The following IQCH variants were observed in gnomAD, a reference collection of about 807,000 sequenced individuals.
IQCH encodes the protein IQ domain-containing protein H.
Under a neutral mutation model 117.0 loss-of-function variants are expected in IQCH, and 98 were observed. The observed-to-expected ratio is 0.84, with a 90% CI of 0.71 to 0.99. IQCH has a LOEUF of 0.99. IQCH is among the 50% of genes least tolerant of loss of function. The pLI, the probability that IQCH is intolerant of heterozygous loss-of-function variation, is 0.00. For synonymous variants in IQCH, 412 were observed against 448.2 expected, an observed-to-expected ratio of 0.92 and a Z score of 1.02; for missense variants, 1,102 against 1,243.8, an observed-to-expected ratio of 0.89 and a Z score of 1.72.
rs1053228422 is a variant in IQCH at position 67,425,993 on chromosome 15, C to G, written c.2505+4416C>G. 6.6e-6 allele frequency among the ~76,000 whole-genome samples: 1 copy of G among 152,174 alleles called. No homozygotes were observed. Among genetic ancestry groups the G allele is most frequent in the Admixed American group, 6.5e-5 (1 of 15,274 alleles). ...TTCCAGATTTGGCCAGTGAGAGACCCTTCAGGGTGTGTCTTGTGTCCTTTT... is the reference window on the plus strand; with the variant it reads ...TTCCAGATTTGGCCAGTGAGAGACCGTTCAGGGTGTGTCTTGTGTCCTTTT... On this transcript the variant is annotated intron_variant, in intron 16 of 20. Coordinates refer to ENST00000335894, the MANE Select transcript of IQCH (RefSeq NM_001031715.3). The surrounding 1 kb of genome is among the most constrained non-coding windows in gnomAD (Gnocchi z 5.5).
intron 1 of IQCH, among the ~76,000 whole-genome samples, chr15:67,260,824 A>G (rs1477684210): frequency 1.3e-5 from 2 of 152,118 alleles, no homozygotes; most frequent in Non-Finnish European, 2.9e-5. Context: ...CAGGCCAGGC[A>G]TGGTGGCTCA....
intron 4 of IQCH, among the ~76,000 whole-genome samples, chr15:67,310,492 ACTC>A (rs1173307721): frequency 3.3e-5 from 5 of 152,054 alleles, no homozygotes; most frequent in Non-Finnish European, 4.4e-5. Context: ...GCAGTGCCTG[ACTC>A]CTCGTAATCA....
Position 67,434,780 on chromosome 15 carries a change from C to CT in IQCH, c.2505+13207dup, listed in dbSNP as rs201003525. On this transcript the variant is annotated intron_variant, in intron 16 of 20. Transcript: ENST00000335894. ...ATACTTATCTTTTGTCTTTTCTTTT[C>CT]TTTTCTTTTTTTTTTTTTTTTGAGA... Among the ~76,000 whole-genome samples the CT allele has an allele frequency of 3.6e-3, 496 of 138,696 alleles. 6 individuals are homozygous for CT. The highest frequency in any genetic ancestry group is 9.2e-3 in the East Asian group (43 of 4,674). The allele number at this position is 138,696 out of a possible 152,430, so 91.0% of individuals were successfully genotyped here. A position where few individuals can be genotyped will look rare whatever the true frequency, so the allele number is the denominator to read the frequency against.
chr15:67,329,542 G>A (rs984492341), intron 4 of IQCH, among the ~76,000 whole-genome samples: 3 of 152,112 alleles, frequency 2.0e-5, no homozygotes, highest in African/African-American at 4.8e-5. Context: ...CATAATCATA[G>A]CTCACTGTAG....
rs543570883 is a variant in IQCH at position 67,453,638 on chromosome 15, G to T, written c.2506-11489G>T. ...TGTAAGGTGTCAGTCCGCCCCTACTGGGGGGTGCCTCCCAGTTAGGCTACT... is the reference window on the plus strand; with the variant it reads ...TGTAAGGTGTCAGTCCGCCCCTACTTGGGGGTGCCTCCCAGTTAGGCTACT... On this transcript the variant is annotated intron_variant, in intron 16 of 20. Coordinates refer to ENST00000335894, the MANE Select transcript of IQCH (RefSeq NM_001031715.3). This position sits in a 1 kb window ranked among gnomAD's most constrained non-coding sequence, Gnocchi z 5.8. 1.3e-5 allele frequency among the ~76,000 whole-genome samples: 2 copies of T among 152,172 alleles called. No homozygotes were observed. The highest frequency in any genetic ancestry group is 2.1e-4 in the South Asian group (1 of 4,830).
In IQCH at chr15:67,445,333, T is replaced by A. The variant is rs565266933; in HGVS notation, c.2506-19794T>A. 3.3e-5 allele frequency among the ~76,000 whole-genome samples: 5 copies of A among 152,364 alleles called. No homozygotes were observed. In the East Asian group the frequency reaches 7.7e-4, roughly 23 times the overall value. Reference sequence around the variant, plus strand: ...AGATTCATTGTGTCCCCTATTGTTCTGAGCCCTTATAAATAAATAAATGAA... The same window carrying A: ...AGATTCATTGTGTCCCCTATTGTTCAGAGCCCTTATAAATAAATAAATGAA... On this transcript the variant is annotated intron_variant, in intron 16 of 20. Coordinates refer to ENST00000335894, the MANE Select transcript of IQCH (RefSeq NM_001031715.3). This position sits in a 1 kb window ranked among gnomAD's most constrained non-coding sequence, Gnocchi z 4.3.
intron 16 of IQCH, among the ~76,000 whole-genome samples, chr15:67,448,575 T>C (rs2082444291): frequency 6.6e-6 from 1 of 152,048 alleles, no homozygotes; most frequent in South Asian, 2.1e-4. Context: ...TATGGCTGCA[T>C]AGTATTCCAT....
chr15:67,401,305 C>T lies in IQCH; in HGVS notation c.2097+1000C>T, dbSNP rs1048111064. Among the ~76,000 whole-genome samples, 3 of 152,274 alleles carry T rather than the reference C, an allele frequency of 2.0e-5. No homozygotes were observed. Among genetic ancestry groups the T allele is most frequent in the Non-Finnish European group, 4.4e-5 (3 of 68,026 alleles). On this transcript the variant is annotated intron_variant, in intron 14 of 20. Coordinates refer to ENST00000335894, the MANE Select transcript of IQCH (RefSeq NM_001031715.3). This position sits in a 1 kb window ranked among gnomAD's most constrained non-coding sequence, Gnocchi z 4.7. ...ATATGGTTTAATATATAAATTAAAC[C>T]TGCCATTCTAAAACTATCTTGCTTT...
At chr15:67,295,168 C>T (rs942156783) in intron 4 of IQCH, among the ~76,000 whole-genome samples, 1 of 152,090 alleles carries the variant, frequency 6.6e-6, no homozygotes, top group African/African-American at 2.4e-5. Context: ...TCTTCATACT[C>T]GCTGAAAAAA....
chr15:67,484,112 A>G (rs1596477440), intron 18 of IQCH, among the ~76,000 whole-genome samples: 1 of 152,168 alleles, frequency 6.6e-6, no homozygotes, highest in East Asian at 1.9e-4. Context: ...AGCTAAAATC[A>G]ACTCTTAGTC....
At chr15:67,462,682 C>T (rs1192818843) in intron 16 of IQCH, among the ~76,000 whole-genome samples, 1 of 151,948 alleles carries the variant, frequency 6.6e-6, no homozygotes, top group Non-Finnish European at 1.5e-5. Context: ...CTATTAAAAT[C>T]CTTATTACCA....
intron 12 of IQCH, among the ~76,000 whole-genome samples, chr15:67,392,989 T>A (rs1043639365): frequency 1.3e-5 from 2 of 152,140 alleles, no homozygotes. Flanking sequence ...TTTTAACCAT[T>A]TTTAAGTGTA....
rs1970921786 is a variant in IQCH, at chr15:67,381,336, G to C, written c.1373-3600G>C. Among the ~76,000 whole-genome samples, 1 of 152,232 alleles carries C rather than the reference G, an allele frequency of 6.6e-6. No homozygotes were observed. Among genetic ancestry groups the C allele is most frequent in the African/African-American group, 2.4e-5 (1 of 41,468 alleles). ...GTGGGGGACCAGAAGTAGTAGATGA[G>C]TAACTTCAGAGAGGCAGCTCTCAGG... is the stretch of plus-strand genomic sequence containing the variant. On this transcript the variant is annotated intron_variant, in intron 10 of 20. Transcript: ENST00000335894. This position sits in a 1 kb window ranked among gnomAD's most constrained non-coding sequence, Gnocchi z 5.1.
At chr15:67,332,114 A>G (rs1433173969) in intron 4 of IQCH, among the ~76,000 whole-genome samples, 1 of 152,216 alleles carries the variant, frequency 6.6e-6, no homozygotes. Context: ...CCAGAAAATG[A>G]AAGAGAAAGG....
rs1001257189 is a variant in IQCH, at chr15:67,310,020, C to T, written c.388-26955C>T. 3.3e-5 allele frequency among the ~76,000 whole-genome samples: 5 copies of T among 151,424 alleles called. No homozygotes were observed. In the East Asian group the frequency reaches 9.7e-4, roughly 29 times the overall value. The stretch of plus-strand genomic sequence containing the variant: ...TGAAAAATGAATTAGTGTTAAAAAT[C>T]TCTCATTTCCTTCTTCACACTTATG... On this transcript the variant is annotated intron_variant, in intron 4 of 20. Coordinates refer to ENST00000335894, the MANE Select transcript of IQCH (RefSeq NM_001031715.3).
At chr15:67,346,559 G>A (rs994193073) in intron 6 of IQCH, among the ~76,000 whole-genome samples, 1 of 152,168 alleles carries the variant, frequency 6.6e-6, no homozygotes, top group Non-Finnish European at 1.5e-5. Flanking sequence ...TGATCTGACA[G>A]GAGGCATGAA....
rs1038591180 is a variant in IQCH at position 67,384,051 on chromosome 15, A to C, written c.1373-885A>C. ...ACTTTATCTAGAGCAGTTTAACTTGAAATGTGTGTTTGGGCTCACTAACCA... is the reference window on the plus strand; with the variant it reads ...ACTTTATCTAGAGCAGTTTAACTTGCAATGTGTGTTTGGGCTCACTAACCA... On this transcript the variant is annotated intron_variant, in intron 10 of 20. Coordinates refer to ENST00000335894, the MANE Select transcript of IQCH (RefSeq NM_001031715.3). The surrounding 1 kb of genome is among the most constrained non-coding windows in gnomAD (Gnocchi z 4.3). Among the ~76,000 whole-genome samples the C allele has an allele frequency of 1.3e-5, 2 of 152,192 alleles. No individual in the cohort carries two copies. Among genetic ancestry groups the C allele is most frequent in the African/African-American group, 4.8e-5 (2 of 41,464 alleles).
At chr15:67,343,952 C>T in intron 5 of IQCH, 111 bp from the exon 6 acceptor site, 1 of 887,946 alleles carries the variant, frequency 1.1e-6, no homozygotes, top group South Asian at 1.7e-5. Context: ...TAGATGTACC[C>T]TCACAAATAA....
chr15:67,329,129 T>C (rs1005061438), intron 4 of IQCH, among the ~76,000 whole-genome samples: 16 of 152,040 alleles, frequency 1.1e-4, no homozygotes, highest in Non-Finnish European at 1.0e-4. Flanking sequence ...TGAAACCTAA[T>C]CTCTACACAA....
Sources: gnomAD v4.1 joint callset for allele counts (sites outside exome capture counted in the v4.1 genomes callset) on GRCh38, gnomAD v4.1.1 for gene constraint, Gnocchi (gnomAD v3.1) non-coding constraint, MANE v1.5 for transcripts, NCBI Gene and HGNC (gene_info 2026-07-23, HGNC 2026-07-21) for gene names.